MAGI2: variants seen among roughly 807,000 people sequenced by gnomAD.
MAGI2 encodes membrane associated guanylate kinase, WW and PDZ domain containing 2.
A neutral mutation model predicts 133.3 loss-of-function variants in MAGI2; 35 were observed. The observed-to-expected ratio is 0.26, with a 90% CI of 0.20 to 0.35. The LOEUF (loss-of-function observed/expected upper bound fraction) is 0.35, where lower values mean the gene tolerates loss of function less well. MAGI2 is among the 10% of genes least tolerant of loss of function. The pLI, the probability that MAGI2 is intolerant of heterozygous loss-of-function variation, is 1.00. For synonymous variants in MAGI2, 729 were observed against 710.6 expected (o/e 1.03, Z -0.41); for missense variants, 1,636 against 1,863.4 (o/e 0.88, Z 2.25).
At chr7:78,804,959 T>C (rs558126799) in intron 2 of MAGI2, among the ~76,000 whole-genome samples, 1 of 150,916 alleles carries the variant, frequency 6.6e-6, no homozygotes, top group Non-Finnish European at 1.5e-5. Flanking sequence ...TCCCAGCAAC[T>C]TGGGAGGCTG....
chr7:79,179,442 A>T (rs1342029210), intron 1 of MAGI2, among the ~76,000 whole-genome samples: 2 of 152,068 alleles, frequency 1.3e-5, no homozygotes, highest in African/African-American at 4.8e-5. Context: ...ATTCATGTGG[A>T]ATCAAGAAAG....
intron 2 of MAGI2, among the ~76,000 whole-genome samples, chr7:78,780,854 T>C (rs1479922698): frequency 6.6e-6 from 1 of 152,200 alleles, no homozygotes; most frequent in African/African-American, 2.4e-5. Flanking sequence ...AAAAGTGACA[T>C]AACTGCTGGA....
At chr7:79,273,671 G>GTTT (rs1253748002) in intron 1 of MAGI2, among the ~76,000 whole-genome samples, 8 of 150,854 alleles carry the variant, frequency 5.3e-5, no homozygotes, top group Admixed American at 2.0e-4. Context: ...TGTTGTTGTT[G>GTTT]TTTTTTCTGC....
At chr7:78,744,847 C>T (rs928315258) in intron 2 of MAGI2, among the ~76,000 whole-genome samples, 1 of 152,138 alleles carries the variant, frequency 6.6e-6, no homozygotes, top group Non-Finnish European at 1.5e-5. Flanking sequence ...CATAGTGCTT[C>T]CGGATAGGAA....
intron 2 of MAGI2, among the ~76,000 whole-genome samples, chr7:78,838,131 G>C (rs1318897195): frequency 1.3e-5 from 2 of 152,038 alleles, no homozygotes; most frequent in African/African-American, 4.8e-5. Context: ...ATTCTTATAG[G>C]AACTTGTTCC....
chr7:79,353,725 C>A (rs1306047713), intron 1 of MAGI2: 1 of 275,868 alleles, frequency 3.6e-6, no homozygotes, highest in Admixed American at 4.2e-5. Context: ...TGGGCTCTTC[C>A]TGATTAGTCT....
chr7:78,231,443 C>T (rs1238064365), intron 10 of MAGI2, among the ~76,000 whole-genome samples: 1 of 151,918 alleles, frequency 6.6e-6, no homozygotes, highest in Non-Finnish European at 1.5e-5. Flanking sequence ...ATCAGTACAA[C>T]AATTGATGAT....
At chr7:78,228,532 C>G (rs550213149) in intron 10 of MAGI2, among the ~76,000 whole-genome samples, 5 of 152,296 alleles carry the variant, frequency 3.3e-5, no homozygotes, top group Admixed American at 3.3e-4. Flanking sequence ...TTACAAGACT[C>G]ACAACCCAAG....
chr7:78,650,371 G>T (rs2151012138), intron 2 of MAGI2, among the ~76,000 whole-genome samples: 1 of 152,282 alleles, frequency 6.6e-6, no homozygotes, highest in Non-Finnish European at 1.5e-5. Flanking sequence ...CTATAGAATG[G>T]GTTGGGTGGA....
At chr7:78,535,843 G>A (rs1797841495) in intron 3 of MAGI2, among the ~76,000 whole-genome samples, 1 of 150,998 alleles carries the variant, frequency 6.6e-6, no homozygotes. Flanking sequence ...CACCTAGATC[G>A]AGAACCTGGC....
At chr7:79,303,165 AG>A (rs1450871124) in intron 1 of MAGI2, among the ~76,000 whole-genome samples, 1 of 152,122 alleles carries the variant, frequency 6.6e-6, no homozygotes, top group Non-Finnish European at 1.5e-5. Flanking sequence ...AGAGGGTGGA[AG>A]GGGTATGAGG....
intron 6 of MAGI2, among the ~76,000 whole-genome samples, chr7:78,444,470 G>A (rs938186544): frequency 2.6e-5 from 4 of 152,092 alleles, no homozygotes; most frequent in South Asian, 2.1e-4. Context: ...TTTTTCTGTT[G>A]CTCTGGCTGG....
chr7:78,711,408 G>A (rs1303606465), intron 2 of MAGI2, among the ~76,000 whole-genome samples: 2 of 152,126 alleles, frequency 1.3e-5, no homozygotes, highest in Admixed American at 1.3e-4. Flanking sequence ...TAACGCTTAT[G>A]TGTAAAATGG....
intron 1 of MAGI2, among the ~76,000 whole-genome samples, chr7:79,374,148 G>A (rs932961924): frequency 7.2e-5 from 11 of 151,986 alleles, no homozygotes; most frequent in Non-Finnish European, 1.2e-4. Flanking sequence ...ATATGTATGT[G>A]AGTACTATGG....
chr7:78,282,094 A>G (rs901640252), intron 9 of MAGI2, among the ~76,000 whole-genome samples: 22 of 152,162 alleles, frequency 1.4e-4, no homozygotes, highest in African/African-American at 5.3e-4. Flanking sequence ...GAGATGATAT[A>G]TGGGAAGGTA....
rs1826719342 is a variant in MAGI2, at chr7:78,177,163, T to A, written c.2403+848A>T. Among the ~76,000 whole-genome samples the A allele has an allele frequency of 2.0e-5, 3 of 152,150 alleles. No homozygotes were observed. The Middle Eastern group carries it at 0.01, about 518-fold the overall frequency. ...AGAAAGCTGAGGCTTAAGATTTAAC[T>A]CCCTTACATGAGCTAGGATGGAGTT... On this transcript the variant is annotated intron_variant, in intron 14 of 21. Coordinates refer to ENST00000354212, the MANE Select transcript of MAGI2 (RefSeq NM_012301.4).
chr7:79,290,415 G>A (rs1187959422), intron 1 of MAGI2, among the ~76,000 whole-genome samples: 1 of 151,432 alleles, frequency 6.6e-6, no homozygotes, highest in African/African-American at 2.4e-5. Context: ...TGAATGGTCA[G>A]ATTATAAAGA....
At chr7:79,055,194 T>C (rs1042715745) in intron 1 of MAGI2, among the ~76,000 whole-genome samples, 1 of 152,188 alleles carries the variant, frequency 6.6e-6, no homozygotes, top group African/African-American at 2.4e-5. Context: ...CCTCTGAATA[T>C]AGAATGCTAA....
intron 2 of MAGI2, among the ~76,000 whole-genome samples, chr7:79,000,526 G>A (rs1806753754): frequency 6.6e-6 from 1 of 152,076 alleles, no homozygotes; most frequent in South Asian, 2.1e-4. Context: ...TGGCCAACGA[G>A]CCTCACTCTA....
Sources: allele counts gnomAD v4.1 joint callset (sites outside exome capture counted in the v4.1 genomes callset), GRCh38; gene constraint gnomAD v4.1.1; transcripts MANE v1.5; gene names NCBI Gene and HGNC (gene_info 2026-07-23, HGNC 2026-07-21).